The following CCNY variants were observed in gnomAD, a reference collection of about 807,000 sequenced individuals.
CCNY encodes cyclin-Y.
Under a neutral mutation model 42.8 loss-of-function variants are expected in CCNY, and 19 were observed. The ratio of observed to expected loss-of-function variants is 0.44; its 90% CI spans 0.31 to 0.65. The LOEUF (loss-of-function observed/expected upper bound fraction) is 0.65. Ranked by LOEUF, CCNY falls within the 30% of genes least tolerant of loss-of-function variation. The pLI is 0.07. For missense variants in CCNY, 370 were observed against 437.3 expected (o/e 0.85, Z 1.37); for synonymous variants, 165 against 162.7 (o/e 1.01, Z -0.11).
At chr10:35,546,005 C>T (rs1412847235) in intron 7 of CCNY, among the ~76,000 whole-genome samples, 8 of 152,120 alleles carry the variant, frequency 5.3e-5, no homozygotes, top group Non-Finnish European at 8.8e-5. Context: ...TAGCTACCCC[C>T]ATTCCCTCAA....
chr10:35,434,980 G>A (rs763312705), intron 1 of CCNY, among the ~76,000 whole-genome samples: 2 of 152,166 alleles, frequency 1.3e-5, no homozygotes, highest in African/African-American at 2.4e-5. Context: ...TGTGCTGAGC[G>A]CTGTGAGATG....
chr10:35,568,990 G>A (rs1253332129), intron 9 of CCNY, 64 bp from the exon 10 acceptor site: 12 of 1,088,366 alleles, frequency 1.1e-5, no homozygotes, highest in South Asian at 5.0e-5. Flanking sequence ...CGGCGCCCAG[G>A]ACGAGTGAGC....
chr10:35,422,677 A>G (rs994266234), intron 1 of CCNY, among the ~76,000 whole-genome samples: 2 of 152,242 alleles, frequency 1.3e-5, no homozygotes, highest in African/African-American at 2.4e-5. Context: ...TCTCTTAATC[A>G]GCATTCCATT....
chr10:35,514,075 C>CCA (rs1840376343), intron 3 of CCNY, among the ~76,000 whole-genome samples: 1 of 76,184 alleles, frequency 1.3e-5, no homozygotes, highest in Non-Finnish European at 2.5e-5. Context: ...AGGACCAGTT[C>CCA]AAAAAAAAAA....
chr10:35,457,747 A>AT (rs967696667), intron 1 of CCNY, among the ~76,000 whole-genome samples: 40 of 151,010 alleles, frequency 2.6e-4, no homozygotes, highest in East Asian at 5.8e-4. Flanking sequence ...CACCCGGCTA[A>AT]TTTTTTTTTG....
rs555372885 is a variant in CCNY, at chr10:35,469,410, T to A, written c.155-13994T>A. Among the ~76,000 whole-genome samples the A allele has an allele frequency of 1.4e-4, 22 of 152,180 alleles. No individual in the cohort carries two copies. In the South Asian group the frequency reaches 4.4e-3, roughly 30 times the overall value. On this transcript the variant is annotated intron_variant, in intron 1 of 9. Coordinates refer to ENST00000374704, the MANE Select transcript of CCNY (RefSeq NM_145012.6). ...ATCTTAAGATAGAATATTAGATACA[T>A]TAAGATAGAAAATTAGAAATAGGAC...
At chr10:35,363,531 C>G (rs1320289667) in intron 1 of CCNY, among the ~76,000 whole-genome samples, 3 of 152,106 alleles carry the variant, frequency 2.0e-5, no homozygotes, top group Admixed American at 6.5e-5. Flanking sequence ...TCAAAGTGAC[C>G]CTGGAAGATT....
chr10:35,410,681 A>T (rs1044991563), intron 1 of CCNY, among the ~76,000 whole-genome samples: 3 of 152,240 alleles, frequency 2.0e-5, no homozygotes, highest in Non-Finnish European at 4.4e-5. Context: ...GCTTAAGTTC[A>T]AGAAGAAGAA....
At chr10:35,529,075 C>T (rs923616425) in intron 5 of CCNY, among the ~76,000 whole-genome samples, 4 of 152,188 alleles carry the variant, frequency 2.6e-5, no homozygotes, top group African/African-American at 9.6e-5. Flanking sequence ...CAGCGGCCCA[C>T]GGTACTGTGT....
At chr10:35,545,231 G>A (rs562425063) in intron 7 of CCNY, among the ~76,000 whole-genome samples, 4 of 152,306 alleles carry the variant, frequency 2.6e-5, no homozygotes, top group East Asian at 3.9e-4. Context: ...TGCCAGCTTT[G>A]CTTCAGGTGG....
At chr10:35,474,744 C>T (rs1168082774) in intron 1 of CCNY, among the ~76,000 whole-genome samples, 2 of 152,190 alleles carry the variant, frequency 1.3e-5, no homozygotes, top group East Asian at 1.9e-4. Context: ...GAGCGCCTCT[C>T]CTCCTCCAAA....
intron 1 of CCNY, among the ~76,000 whole-genome samples, chr10:35,404,712 G>A (rs1427258977): frequency 6.6e-6 from 1 of 152,124 alleles, no homozygotes; most frequent in Non-Finnish European, 1.5e-5. Context: ...AAGGAAAGGA[G>A]TTGTTGTTTT....
rs113974793 is a variant in CCNY, at chr10:35,451,812, C to T, written c.155-31592C>T. On this transcript the variant is annotated intron_variant, in intron 1 of 9. Transcript: ENST00000374704. Reference sequence around the variant, plus strand: ...GCAGGTCATTACCACCTCACCTCCACGCATGGCAGGGGCAGGGGGAGCGGT... The same window carrying T: ...GCAGGTCATTACCACCTCACCTCCATGCATGGCAGGGGCAGGGGGAGCGGT... Among the ~76,000 whole-genome samples the T allele has an allele frequency of 5.8e-3, 884 of 152,276 alleles. 9 individuals carry two copies. The highest frequency in any genetic ancestry group is 0.025 in the Admixed American group (379 of 15,294).
chr10:35,401,738 G>A (rs1837649638), intron 1 of CCNY, among the ~76,000 whole-genome samples: 1 of 152,062 alleles, frequency 6.6e-6, no homozygotes, highest in Admixed American at 6.5e-5. Context: ...ATAGGTTTTG[G>A]GATAGACGAT....
At chr10:35,556,954 C>G (rs978010379) in intron 8 of CCNY, among the ~76,000 whole-genome samples, 10 of 151,904 alleles carry the variant, frequency 6.6e-5, no homozygotes, top group African/African-American at 2.4e-4. Flanking sequence ...AAGCAATTCT[C>G]CTGCCTCAGC....
chr10:35,253,920 G>A (rs1323017657), intron 3 of CCNY, among the ~76,000 whole-genome samples: 1 of 147,692 alleles, frequency 6.8e-6, no homozygotes, highest in Admixed American at 6.9e-5. Flanking sequence ...CTGTCGCCCA[G>A]GCTGGAGTGT....
chr10:35,477,191 C>T (rs987894264), intron 1 of CCNY, among the ~76,000 whole-genome samples: 68 of 152,198 alleles, frequency 4.5e-4, no homozygotes, highest in Non-Finnish European at 7.3e-4. Context: ...GATTCACAGC[C>T]AAATTCTACC....
At chr10:35,417,645 T>C (rs1433593037) in intron 1 of CCNY, among the ~76,000 whole-genome samples, 1 of 152,198 alleles carries the variant, frequency 6.6e-6, no homozygotes, top group Admixed American at 6.5e-5. Flanking sequence ...TCTAGGGTGT[T>C]TGCCTTTTGT....
rs78186521 is a variant in CCNY, at chr10:35,417,734, A to C, written c.155-65670A>C. ...TTTCTTTTAACTTGCATATTCTAAT[A>C]ATAATGAACAAGCCATCTATCAGAG... On this transcript the variant is annotated intron_variant, in intron 1 of 9. Coordinates refer to ENST00000374704, the MANE Select transcript of CCNY (RefSeq NM_145012.6). Among the ~76,000 whole-genome samples, 27 of 152,376 alleles carry C rather than the reference A, an allele frequency of 1.8e-4. No individual in the cohort carries two copies. In the East Asian group the frequency reaches 5.2e-3, roughly 29 times the overall value.
Sources: allele counts gnomAD v4.1 joint callset (sites outside exome capture counted in the v4.1 genomes callset), GRCh38; gene constraint gnomAD v4.1.1; transcripts MANE v1.5; gene names NCBI Gene and HGNC (gene_info 2026-07-23, HGNC 2026-07-21).